IL17D: variants seen among roughly 807,000 people sequenced by gnomAD.
IL17D encodes the protein interleukin-17D.
In IL17D, 10 loss-of-function variants were observed where a neutral mutation model predicts 5.7. The ratio of observed to expected loss-of-function variants is 1.75; its 90% confidence interval spans 1.08 to 2.97. The LOEUF is 2.97. Ranked by LOEUF, IL17D falls within the 30% of genes most tolerant of loss-of-function variation. The pLI, the probability that IL17D is intolerant of heterozygous loss-of-function variation, is 0.00. For synonymous variants in IL17D, 172 were observed against 141.7 expected, an observed-to-expected ratio of 1.21 and a Z score of -1.52; for missense variants, 354 against 292.7, an observed-to-expected ratio of 1.21 and a Z score of -1.53.
At chr13:20,721,582 G>C (rs1160829211) in intron 1 of IL17D, 54 bp from the exon 2 acceptor site, 1 of 1,461,770 alleles carries the variant, frequency 6.8e-7, no homozygotes, top group Non-Finnish European at 9.2e-7. Flanking sequence ...GGATTTCAGC[G>C]CGCGGCGCGG....
At chr13:20,721,559 T>C (rs1362948554) in intron 1 of IL17D, 77 bp from the exon 2 acceptor site, 3 of 1,275,604 alleles carry the variant, frequency 2.4e-6, no homozygotes, top group Non-Finnish European at 3.2e-6. Context: ...CCCTCCCCGG[T>C]GACTCTAACC....
chr13:20,704,070 G>A lies in IL17D; in HGVS notation c.69G>A (p.Arg23=), dbSNP rs1164528983. 29 of 1,102,222 alleles carry A rather than the reference G, an allele frequency of 2.6e-5. No homozygotes were observed. The highest frequency in any genetic ancestry group is 3.2e-5 in the Non-Finnish European group (29 of 910,182). 68.3% of individuals were successfully genotyped at this position (1,102,222 alleles called of 1,614,324 possible). ...CCGCGGGCGCCCCGAGGGCGGGCAG[G>A]CGCCCCGCGCGGCCGCGGGGCTGCG... ...SWAAGAPRAG[R]RPARPRGCAD... The change falls in exon 1 of 2, where the codon AGG becomes AGA. Residue 23 remains arginine (R), a synonymous_variant. Coordinates refer to ENST00000682841, the MANE Select transcript of IL17D (RefSeq NM_001385224.1).
chr13:20,706,149 AC>A (rs945997526), intron 1 of IL17D, among the ~76,000 whole-genome samples: 26 of 151,888 alleles, frequency 1.7e-4, no homozygotes, highest in African/African-American at 6.0e-4. Flanking sequence ...GTTGGGTGGG[AC>A]CCCTCCCGCC....
In IL17D at chr13:20,721,916, C is replaced by T. The variant is rs772734326; in HGVS notation, c.571C>T (p.Leu191Phe). Reference sequence around the variant, plus strand: ...CAGCATCGACAAACAGGGCGCCAAGCTCCTGCTGGGCCCCAACGACGCGCC... The same window carrying T: ...CAGCATCGACAAACAGGGCGCCAAGTTCCTGCTGGGCCCCAACGACGCGCC... ...NSSIDKQGAK[L>F]LLGPNDAPAG... is the part of the protein sequence containing the mutation. Residue 191 changes from leucine (L) to phenylalanine (F), a missense_variant, in exon 2 of 2, where the codon CTC becomes TTC. Leu to Phe is a conservative substitution (Grantham distance 22). Coordinates refer to ENST00000682841, the MANE Select transcript of IL17D (RefSeq NM_001385224.1). 6.2e-7 allele frequency: 1 copy of T among 1,604,816 alleles called. No homozygotes were observed. Among genetic ancestry groups the T allele is most frequent in the Admixed American group, 1.7e-5 (1 of 59,862 alleles).
At chr13:20,720,511 GT>G (rs1347882860) in intron 1 of IL17D, among the ~76,000 whole-genome samples, 2 of 151,630 alleles carry the variant, frequency 1.3e-5, no homozygotes, top group Non-Finnish European at 2.9e-5. Flanking sequence ...GTGCTTTTTT[GT>G]TTTTGCTTCA....
At position 20,713,993 on chromosome 13, in the gene IL17D, A is replaced by G. The variant is rs535961993; in HGVS notation, c.291-7643A>G. On this transcript the variant is annotated intron_variant, in intron 1 of 1. Coordinates refer to ENST00000682841, the MANE Select transcript of IL17D (RefSeq NM_001385224.1). Reference sequence around the variant, plus strand: ...GCACAGGCGCCTGCCCCAAGGACAGACACTTCAAAGATGGCTCTGAACCCA... The same window carrying G: ...GCACAGGCGCCTGCCCCAAGGACAGGCACTTCAAAGATGGCTCTGAACCCA... 2.0e-5 allele frequency: 3 copies of G among 152,418 alleles called. No individual in the cohort carries two copies. In the East Asian group the frequency reaches 5.8e-4, roughly 29 times the overall value. 9.4% of individuals were successfully genotyped at this position (152,418 alleles called of 1,614,324 possible).
At chr13:20,715,413 C>G (rs1373102135) in intron 1 of IL17D, among the ~76,000 whole-genome samples, 1 of 152,218 alleles carries the variant, frequency 6.6e-6, no homozygotes, top group Non-Finnish European at 1.5e-5. Context: ...CCGGTATGGT[C>G]ATGAAATTCA....
intron 1 of IL17D, chr13:20,712,570 A>T (rs1289520507): frequency 6.6e-6 from 1 of 152,320 alleles, no homozygotes; most frequent in Non-Finnish European, 1.5e-5. Flanking sequence ...AGCCTGGGTG[A>T]CAGAGCAAAA....
chr13:20,721,630 C>G lies in IL17D; in HGVS notation c.291-6C>G. 1 of 1,586,796 alleles carries G rather than the reference C, an allele frequency of 6.3e-7. No homozygotes were observed. The highest frequency in any genetic ancestry group is 1.1e-5 in the South Asian group (1 of 87,328). On this transcript the variant is annotated splice_polypyrimidine_tract_variant and splice_region_variant and intron_variant, in intron 1 of 1. Transcript: ENST00000682841. ...GCGTGACCTCACCCGTGCTCTCTCC[C>G]TGCAGAATCTCCTACGACCCGGCGA...
In IL17D at chr13:20,721,906, G is replaced by T; in HGVS notation, c.561G>T (p.Gln187His). ...ADSINSSIDK[Q>H]GAKLLLGPND... ...GCATCAACTCCAGCATCGACAAACAGGGCGCCAAGCTCCTGCTGGGCCCCA... is the reference window on the plus strand; with the variant it reads ...GCATCAACTCCAGCATCGACAAACATGGCGCCAAGCTCCTGCTGGGCCCCA... Residue 187 changes from glutamine (Q) to histidine (H), a missense_variant, in exon 2 of 2, where the codon CAG (glutamine) becomes CAT (histidine). Physicochemically the swap from Gln to His is conservative, Grantham distance 24. Transcript: ENST00000682841. The T allele has an allele frequency of 6.2e-7, 1 of 1,606,966 alleles. No homozygotes were observed. The highest frequency in any genetic ancestry group is 1.3e-5 in the African/African-American group (1 of 74,944).
intron 1 of IL17D, among the ~76,000 whole-genome samples, chr13:20,709,105 C>CA (rs1193350854): frequency 1.3e-5 from 2 of 150,244 alleles, no homozygotes; most frequent in African/African-American, 2.4e-5. Flanking sequence ...CATCAGGCAT[C>CA]AGTGAAGTGC....
At chr13:20,705,776 G>A (rs144784307) in intron 1 of IL17D, among the ~76,000 whole-genome samples, 1 of 152,314 alleles carries the variant, frequency 6.6e-6, no homozygotes, top group Non-Finnish European at 1.5e-5. Context: ...TTAGGAGGGT[G>A]TCCCAATGGG....
chr13:20,708,510 A>G (rs1172460138), intron 1 of IL17D, among the ~76,000 whole-genome samples: 3 of 152,216 alleles, frequency 2.0e-5, no homozygotes, highest in Non-Finnish European at 2.9e-5. Flanking sequence ...CTTGGAGTGG[A>G]GGAGGCCCTA....
chr13:20,722,047 G>C lies in IL17D; in HGVS notation c.*93G>C. 1 of 1,081,982 alleles carries C rather than the reference G, an allele frequency of 9.2e-7. No individual in the cohort carries two copies. Among genetic ancestry groups the C allele is most frequent in the Non-Finnish European group, 1.3e-6 (1 of 780,112 alleles). 67.0% of individuals were successfully genotyped at this position (1,081,982 alleles called of 1,614,324 possible). A position where few individuals can be genotyped will look rare whatever the true frequency, so the allele number is the denominator to read the frequency against. On this transcript the variant is annotated 3_prime_UTR_variant, in exon 2 of 2. Transcript: ENST00000682841. The stretch of plus-strand genomic sequence containing the variant: ...GGGCTCGGTCGGCGACCTCTGAAGA[G>C]AGTGCACCGAGCAAACCAAGTGCCG...
intron 1 of IL17D, among the ~76,000 whole-genome samples, chr13:20,719,315 C>T (rs775177487): frequency 1.4e-5 from 2 of 146,144 alleles, no homozygotes; most frequent in Non-Finnish European, 3.0e-5. Flanking sequence ...TCACACCTGC[C>T]CATACTCAGA....
chr13:20,721,630 C>A lies in IL17D; in HGVS notation c.291-6C>A. Reference sequence around the variant, plus strand: ...GCGTGACCTCACCCGTGCTCTCTCCCTGCAGAATCTCCTACGACCCGGCGA... The same window carrying A: ...GCGTGACCTCACCCGTGCTCTCTCCATGCAGAATCTCCTACGACCCGGCGA... On this transcript the variant is annotated splice_polypyrimidine_tract_variant and splice_region_variant and intron_variant, in intron 1 of 1. Transcript: ENST00000682841. The A allele has an allele frequency of 6.3e-7, 1 of 1,586,796 alleles. No homozygotes were observed. Among genetic ancestry groups the A allele is most frequent in the Non-Finnish European group, 8.6e-7 (1 of 1,164,002 alleles).
At chr13:20,717,748 G>T (rs2058688542) in intron 1 of IL17D, among the ~76,000 whole-genome samples, 1 of 152,184 alleles carries the variant, frequency 6.6e-6, no homozygotes, top group Non-Finnish European at 1.5e-5. Flanking sequence ...GGCCCACGCA[G>T]CCATGGGGGG....
At position 20,710,628 on chromosome 13, in the gene IL17D, T is replaced by TAA. The variant is rs11445353; in HGVS notation, c.290+6360_290+6361dup. Among the ~76,000 whole-genome samples the TAA allele has an allele frequency of 6.9e-3, 380 of 55,202 alleles. 4 individuals are homozygous for TAA. Among genetic ancestry groups the TAA allele is most frequent in the South Asian group, 0.025 (25 of 984 alleles). 36.2% of individuals were successfully genotyped at this position (55,202 alleles called of 152,430 possible). ...TGGGCAACAAAAGCAAAACTCTGTC[T>TAA]AAAAAAAAAAAAAAAAAAAAAAAAG... On this transcript the variant is annotated intron_variant, in intron 1 of 1. Coordinates refer to ENST00000682841, the MANE Select transcript of IL17D (RefSeq NM_001385224.1).
chr13:20,713,507 G>C (rs2058656599), intron 1 of IL17D: 1 of 152,090 alleles, frequency 6.6e-6, no homozygotes, highest in African/African-American at 2.4e-5. Flanking sequence ...GCATTGTCAG[G>C]AGCATTGTTA....
Sources: gnomAD v4.1 joint callset for allele counts (sites outside exome capture counted in the v4.1 genomes callset) on GRCh38, gnomAD v4.1.1 for gene constraint, MANE v1.5 for transcripts, NCBI Gene and HGNC (gene_info 2026-07-23, HGNC 2026-07-21) for gene names.